The following UGT1A8 variants were observed in gnomAD, a reference collection of about 807,000 sequenced individuals.
The protein encoded by UGT1A8 is UDP glucuronosyltransferase family 1 member A8.
Under a neutral mutation model 45.3 loss-of-function variants are expected in UGT1A8, and 39 were observed. The observed-to-expected ratio is 0.86, with a 90% CI of 0.67 to 1.12. The LOEUF (loss-of-function observed/expected upper bound fraction) is 1.12. UGT1A8 is among the 50% of genes most tolerant of loss of function. The pLI is 0.00. For missense variants in UGT1A8, 719 were observed against 664.9 expected (o/e 1.08, Z -0.90); for synonymous variants, 275 against 249.2 (o/e 1.10, Z -0.97).
At position 233,656,685 on chromosome 2, in the gene UGT1A8, A is replaced by T. The variant is rs144936656; in HGVS notation, c.855+38123A>T. Among the ~76,000 whole-genome samples the T allele has an allele frequency of 7.2e-5, 11 of 152,220 alleles. No individual in the cohort carries two copies. In the East Asian group the frequency reaches 1.7e-3, roughly 24 times the overall value. On this transcript the variant is annotated intron_variant, in intron 1 of 4. Coordinates refer to ENST00000373450, the MANE Select transcript of UGT1A8 (RefSeq NM_019076.5). ...CACTAAAGTGGGTCAGTTGTGTTTA[A>T]ACCACAAAAGGGAGGGAGTGTGACG...
intron 1 of UGT1A8, chr2:233,719,479 T>A: frequency 1.9e-6 from 3 of 1,614,024 alleles, no homozygotes; most frequent in Non-Finnish European, 2.5e-6. Flanking sequence ...CCTCTGGCCC[T>A]GTCCTACATT....
At chr2:233,650,772 G>T (rs1315258209) in intron 1 of UGT1A8, among the ~76,000 whole-genome samples, 1 of 152,094 alleles carries the variant, frequency 6.6e-6, no homozygotes, top group Non-Finnish European at 1.5e-5. Flanking sequence ...CCTCAAACTA[G>T]ATCCTATTCA....
chr2:233,719,640 G>T lies in UGT1A8; in HGVS notation c.856-47394G>T, dbSNP rs560127147. ...CCCCAGGCCGATCATGCCCAACATG[G>T]TCTTCATTGGGGGCATCAACTGTGC... On this transcript the variant is annotated intron_variant, in intron 1 of 4. Transcript: ENST00000373450. 1.8e-5 allele frequency: 29 copies of T among 1,614,046 alleles called. 1 individual carries two copies. The East Asian group carries it at 2.0e-4, about 11-fold the overall frequency.
At chr2:233,667,960 A>G (rs1464022231) in intron 1 of UGT1A8, among the ~76,000 whole-genome samples, 1 of 152,224 alleles carries the variant, frequency 6.6e-6, no homozygotes, top group African/African-American at 2.4e-5. Context: ...ATTTTACAAT[A>G]AATTTAGATT....
intron 1 of UGT1A8, among the ~76,000 whole-genome samples, chr2:233,688,387 C>A (rs1220480074): frequency 6.6e-6 from 1 of 152,160 alleles, no homozygotes; most frequent in Non-Finnish European, 1.5e-5. Flanking sequence ...ATACGATAAA[C>A]CCTGATGTTC....
chr2:233,751,206 C>G (rs1365392073), intron 1 of UGT1A8, among the ~76,000 whole-genome samples: 1 of 151,962 alleles, frequency 6.6e-6, no homozygotes, highest in Non-Finnish European at 1.5e-5. Flanking sequence ...AATTTTGGAG[C>G]TTTAAGATTT....
intron 1 of UGT1A8, among the ~76,000 whole-genome samples, chr2:233,639,828 T>G (rs17868314): frequency 0.025 from 3,879 of 152,338 alleles, 76 homozygotes; most frequent in Non-Finnish European, 0.04. Context: ...ATGGTCATTC[T>G]TTTACATTTC....
rs373133620 is a variant in UGT1A8 at position 233,618,099 on chromosome 2, G to A, written c.392G>A (p.Arg131Gln). 8.7e-6 allele frequency: 14 copies of A among 1,613,900 alleles called. 1 individual carries two copies. The highest frequency in any genetic ancestry group is 5.5e-5 in the South Asian group (5 of 91,078). Residue 131 changes from arginine (R) to glutamine (Q), a missense_variant, in exon 1 of 5, where the codon CGA becomes CAA. Physicochemically the swap from Arg to Gln is conservative, Grantham distance 43. Transcript: ENST00000373450. ...CATTGCAGGAGTTTGTTTAATGACC[G>A]AAAATTAGTAGAATACTTAAAGGAG... is the stretch of plus-strand genomic sequence containing the variant. The part of the protein sequence containing the change: ...FSHCRSLFND[R>Q]KLVEYLKESS...
At chr2:233,734,648 T>A (rs187362448) in intron 1 of UGT1A8, among the ~76,000 whole-genome samples, 1 of 152,330 alleles carries the variant, frequency 6.6e-6, no homozygotes, top group East Asian at 1.9e-4. Context: ...CCTGTGGGGA[T>A]TTAATGCTAT....
chr2:233,685,350 A>G (rs898581661), intron 1 of UGT1A8, among the ~76,000 whole-genome samples: 1 of 152,132 alleles, frequency 6.6e-6, no homozygotes, highest in Non-Finnish European at 1.5e-5. Context: ...GGTTTTAATG[A>G]GAAAAAAAGA....
chr2:233,701,802 C>T (rs2075652671), intron 1 of UGT1A8, among the ~76,000 whole-genome samples: 2 of 152,046 alleles, frequency 1.3e-5, no homozygotes, highest in Non-Finnish European at 2.9e-5. Context: ...TCAACGAGAA[C>T]AAAGACACAA....
intron 1 of UGT1A8, among the ~76,000 whole-genome samples, chr2:233,689,357 T>A (rs2125542122): frequency 6.6e-6 from 1 of 152,374 alleles, no homozygotes; most frequent in South Asian, 2.1e-4. Context: ...AAGGCATTTA[T>A]GTGCAGGGCA....
chr2:233,653,811 G>A (rs2125479483), intron 1 of UGT1A8, among the ~76,000 whole-genome samples: 1 of 152,312 alleles, frequency 6.6e-6, no homozygotes, highest in Middle Eastern at 3.4e-3. Context: ...TGGCCAGGTT[G>A]GTCTTGAACT....
chr2:233,652,020 C>G (rs1419984267), intron 1 of UGT1A8, among the ~76,000 whole-genome samples: 3 of 152,152 alleles, frequency 2.0e-5, no homozygotes, highest in Admixed American at 1.3e-4. Flanking sequence ...CACTGCCAGG[C>G]TTTTTTAGTT....
intron 1 of UGT1A8, among the ~76,000 whole-genome samples, chr2:233,694,715 G>A (rs544812822): frequency 6.6e-6 from 1 of 152,114 alleles, no homozygotes; most frequent in Admixed American, 6.6e-5. Flanking sequence ...TACACCTGCT[G>A]ATTTCTCTGT....
rs35129844 is a variant in UGT1A8 at position 233,767,814 on chromosome 2, C to A, written c.988-35C>A. Reference sequence around the variant, plus strand: ...ATTTGTTTTCTAATCATATTATGTTCTTTCTTTACGTTCTGCTCTTTTTGC... The same window carrying A: ...ATTTGTTTTCTAATCATATTATGTTATTTCTTTACGTTCTGCTCTTTTTGC... On this transcript the variant is annotated intron_variant, in intron 2 of 4. Coordinates refer to ENST00000373450, the MANE Select transcript of UGT1A8 (RefSeq NM_019076.5). The A allele has an allele frequency of 5.0e-6, 8 of 1,613,992 alleles. No homozygotes were observed. In the African/African-American group the frequency reaches 6.7e-5, roughly 13 times the overall value.
chr2:233,642,950 A>G (rs2073493515), intron 1 of UGT1A8, among the ~76,000 whole-genome samples: 2 of 152,102 alleles, frequency 1.3e-5, no homozygotes, highest in Admixed American at 1.3e-4. Flanking sequence ...GGGTGGAGTG[A>G]CACAAGCATC....
In UGT1A8 at chr2:233,675,025, G is replaced by A. The variant is rs368693453; in HGVS notation, c.855+56463G>A. 4.9e-4 allele frequency among the ~76,000 whole-genome samples: 75 copies of A among 152,298 alleles called. No homozygotes were observed. The South Asian group carries it at 0.015, about 31-fold the overall frequency. On this transcript the variant is annotated intron_variant, in intron 1 of 4. Transcript: ENST00000373450. ...GAAGCATTACTTGATGATGGAGTAT[G>A]TGTTTGCACATGTATGTGTTTGTGT...
intron 1 of UGT1A8, among the ~76,000 whole-genome samples, chr2:233,660,701 G>A (rs142779756): frequency 8.5e-5 from 13 of 152,178 alleles, no homozygotes; most frequent in African/African-American, 3.1e-4. Flanking sequence ...TTAAATCCTC[G>A]TGCCCGCTTC....
Sources: allele counts gnomAD v4.1 joint callset (sites outside exome capture counted in the v4.1 genomes callset), GRCh38; gene constraint gnomAD v4.1.1; transcripts MANE v1.5; gene names NCBI Gene and HGNC (gene_info 2026-07-23, HGNC 2026-07-21).